Variants in CADPS observed in about 807,000 individuals in gnomAD.
The protein encoded by CADPS is calcium dependent secretion activator, also known as calcium-dependent secretion activator 1.
CADPS carries 57 observed loss-of-function variants against 167.3 expected under a neutral mutation model. That is an observed-to-expected ratio of 0.34 (90% CI 0.28 to 0.42). The LOEUF (loss-of-function observed/expected upper bound fraction) is 0.42, where lower values mean the gene tolerates loss of function less well. CADPS is among the 20% of genes least tolerant of loss of function. The pLI is 1.00. For missense variants in CADPS, 1,414 were observed against 1,738.1 expected, an observed-to-expected ratio of 0.81 and a Z score of 3.32; for synonymous variants, 676 against 635.3, an observed-to-expected ratio of 1.06 and a Z score of -0.96.
At chr3:62,712,900 C>T (rs930014587) in intron 3 of CADPS, among the ~76,000 whole-genome samples, 1 of 152,074 alleles carries the variant, frequency 6.6e-6, no homozygotes, top group African/African-American at 2.4e-5. Context: ...AGGAACAGGC[C>T]AGAAAGGTTA....
At chr3:62,581,137 T>C (rs2083350723) in intron 8 of CADPS, among the ~76,000 whole-genome samples, 1 of 152,186 alleles carries the variant, frequency 6.6e-6, no homozygotes, top group Non-Finnish European at 1.5e-5. Flanking sequence ...GCATTTCTAG[T>C]TGTTATAGTT....
chr3:62,808,499 A>G (rs1402550045), intron 1 of CADPS, among the ~76,000 whole-genome samples: 1 of 151,882 alleles, frequency 6.6e-6, no homozygotes, highest in Admixed American at 6.6e-5. Context: ...ATCATTCTTT[A>G]TTTTCCTTAG....
intron 8 of CADPS, among the ~76,000 whole-genome samples, chr3:62,578,406 C>T (rs965958154): frequency 4.6e-5 from 7 of 151,354 alleles, no homozygotes; most frequent in East Asian, 1.9e-4. Context: ...GTCAGGAGAT[C>T]GAGACAATTC....
At chr3:62,557,970 C>T (rs1329131243) in intron 9 of CADPS, among the ~76,000 whole-genome samples, 1 of 152,234 alleles carries the variant, frequency 6.6e-6, no homozygotes, top group Non-Finnish European at 1.5e-5. Flanking sequence ...GCAGATACAA[C>T]ATGGGCCTTT....
At chr3:62,462,991 G>A (rs1329563174) in intron 26 of CADPS, among the ~76,000 whole-genome samples, 2 of 152,200 alleles carry the variant, frequency 1.3e-5, no homozygotes, top group Non-Finnish European at 2.9e-5. Flanking sequence ...CAAGTGTGTG[G>A]GAGAAGTGTC....
At chr3:62,659,755 C>G (rs11130895) in intron 4 of CADPS, among the ~76,000 whole-genome samples, 150,378 of 152,296 alleles carry the variant, frequency 0.99, 74,265 homozygotes, top group Middle Eastern at 1. Flanking sequence ...AAACTGACTG[C>G]TTCCACCTGG....
At chr3:62,869,738 C>T (rs1195511491) in intron 1 of CADPS, among the ~76,000 whole-genome samples, 1 of 152,162 alleles carries the variant, frequency 6.6e-6, no homozygotes, top group Non-Finnish European at 1.5e-5. Flanking sequence ...TTTCTTCTGC[C>T]ATCAAGCCTG....
intron 24 of CADPS, among the ~76,000 whole-genome samples, chr3:62,471,181 C>G (rs1369005397): frequency 6.6e-6 from 1 of 152,098 alleles, no homozygotes; most frequent in Non-Finnish European, 1.5e-5. Flanking sequence ...GGAGTCCATA[C>G]GATGTCATGA....
At chr3:62,487,063 C>T (rs2062935702) in intron 21 of CADPS, among the ~76,000 whole-genome samples, 1 of 152,150 alleles carries the variant, frequency 6.6e-6, no homozygotes, top group African/African-American at 2.4e-5. Flanking sequence ...AGCTAGTTCC[C>T]AATTTGGTCT....
chr3:62,736,362 A>C (rs2078996941), intron 3 of CADPS, among the ~76,000 whole-genome samples: 1 of 152,246 alleles, frequency 6.6e-6, no homozygotes, highest in Non-Finnish European at 1.5e-5. Context: ...TAATTCCAGT[A>C]GGTTCATAAA....
chr3:62,550,207 T>C (rs1488033545), intron 10 of CADPS, 92 bp from the exon 11 acceptor site: 1 of 968,538 alleles, frequency 1.0e-6, no homozygotes, highest in African/African-American at 1.6e-5. Flanking sequence ...CTGCTGCTTT[T>C]CCTTGGGACA....
intron 1 of CADPS, among the ~76,000 whole-genome samples, chr3:62,806,516 CAA>C (rs1022147935): frequency 6.6e-6 from 1 of 152,062 alleles, no homozygotes; most frequent in African/African-American, 2.4e-5. Context: ...GACAACAGAG[CAA>C]AACCCTGTCT....
intron 11 of CADPS, among the ~76,000 whole-genome samples, chr3:62,540,486 T>C (rs182817685): frequency 1.2e-3 from 183 of 152,220 alleles, no homozygotes; most frequent in Middle Eastern, 3.4e-3. Context: ...CTCATTGACT[T>C]TATTAAGGAG....
At chr3:62,843,974 C>A (rs2077008613) in intron 1 of CADPS, among the ~76,000 whole-genome samples, 1 of 152,170 alleles carries the variant, frequency 6.6e-6, no homozygotes, top group Admixed American at 6.5e-5. Context: ...GGTATCCTTA[C>A]CCCAAAATCT....
At chr3:62,406,485 C>G (rs1708541162) in intron 28 of CADPS, among the ~76,000 whole-genome samples, 1 of 152,146 alleles carries the variant, frequency 6.6e-6, no homozygotes, top group Non-Finnish European at 1.5e-5. Context: ...ATGCCTTTTC[C>G]AGAGCTACCC....
At chr3:62,400,380 G>A (rs1468384012) in intron 29 of CADPS, among the ~76,000 whole-genome samples, 1 of 151,930 alleles carries the variant, frequency 6.6e-6, no homozygotes, top group Non-Finnish European at 1.5e-5. Context: ...AGTGTTAATT[G>A]AATATGACCA....
Position 62,874,711 on chromosome 3 carries a change from G to T in CADPS, c.319C>A (p.Arg107=), listed in dbSNP as rs1282365865. 1.9e-6 allele frequency: 3 copies of T among 1,541,894 alleles called. No individual in the cohort carries two copies. Among genetic ancestry groups the T allele is most frequent in the South Asian group, 2.4e-5 (2 of 83,982 alleles). ...VSEKEKEELE[R]LQKEEEERKK... is the part of the protein sequence containing the mutation. ...CTCTCCTCCTCCTCTTTCTGCAGCC[G>T]CTCCAACTCTTCCTTCTCCTTCTCG... The change falls in exon 1 of 30, where the codon CGG becomes AGG. Residue 107 remains arginine (R), a synonymous_variant. Transcript: ENST00000383710. The surrounding 1 kb of genome is among the most constrained non-coding windows in gnomAD (Gnocchi z 7.1).
chr3:62,400,635 T>G (rs574433598), intron 29 of CADPS, among the ~76,000 whole-genome samples: 43 of 148,758 alleles, frequency 2.9e-4, no homozygotes, highest in Non-Finnish European at 5.0e-4. Flanking sequence ...CATCTTGCTC[T>G]GTCACCCAGG....
chr3:62,682,741 C>T (rs2077352552), intron 3 of CADPS, among the ~76,000 whole-genome samples: 1 of 151,966 alleles, frequency 6.6e-6, no homozygotes, highest in Admixed American at 6.6e-5. Context: ...GCATAGACTG[C>T]TCCAGAAAAG....
Sources: gnomAD v4.1 joint callset for allele counts (sites outside exome capture counted in the v4.1 genomes callset) on GRCh38, gnomAD v4.1.1 for gene constraint, Gnocchi (gnomAD v3.1) non-coding constraint, MANE v1.5 for transcripts, NCBI Gene and HGNC (gene_info 2026-07-23, HGNC 2026-07-21) for gene names.